ABTB3: variants seen among roughly 807,000 people sequenced by gnomAD.
ABTB3 encodes ankyrin repeat- and BTB/POZ domain-containing protein 3.
chr12:107,459,517 C>T, the ABTB3 span, among the ~76,000 whole-genome samples: 2 of 152,158 alleles, frequency 1.3e-5, no homozygotes, highest in Non-Finnish European at 2.9e-5. Flanking sequence ...GGGAGTGCTG[C>T]AGACACAGTT....
At chr12:107,388,851 A>C in the ABTB3 span, among the ~76,000 whole-genome samples, 1 of 152,264 alleles carries the variant, frequency 6.6e-6, no homozygotes, top group Non-Finnish European at 1.5e-5. Context: ...CAAGTTGTTA[A>C]TGATGATGAT....
chr12:107,371,933 C>A, the ABTB3 span, among the ~76,000 whole-genome samples: 1 of 152,272 alleles, frequency 6.6e-6, no homozygotes, highest in Admixed American at 6.5e-5. Flanking sequence ...TGAGAATCGG[C>A]ATGTGAGATG....
chr12:107,561,522 TA>T, the ABTB3 span, among the ~76,000 whole-genome samples: 1 of 152,182 alleles, frequency 6.6e-6, no homozygotes, highest in South Asian at 2.1e-4. Context: ...AATTATAATT[TA>T]AAAAGTCAAA....
the ABTB3 span, among the ~76,000 whole-genome samples, chr12:107,575,818 A>C: frequency 6.6e-6 from 1 of 152,182 alleles, no homozygotes; most frequent in African/African-American, 2.4e-5. Flanking sequence ...TAGCCAGTTA[A>C]GGCAGCTTTC....
the ABTB3 span, chr12:107,610,371 G>A: frequency 6.2e-7 from 1 of 1,612,350 alleles, no homozygotes; most frequent in Non-Finnish European, 8.5e-7. Flanking sequence ...GGGTCCGAGG[G>A]TCTGAACAGG....
At chr12:107,490,357 A>T in the ABTB3 span, among the ~76,000 whole-genome samples, 1 of 152,160 alleles carries the variant, frequency 6.6e-6, no homozygotes, top group Admixed American at 6.5e-5. Flanking sequence ...TTGTGACTGG[A>T]AATATCCCCT....
the ABTB3 span, among the ~76,000 whole-genome samples, chr12:107,645,647 G>A: frequency 6.6e-6 from 1 of 152,214 alleles, no homozygotes; most frequent in Non-Finnish European, 1.5e-5. Flanking sequence ...GCTCATGAAG[G>A]GGGAGCTTAC....
the ABTB3 span, among the ~76,000 whole-genome samples, chr12:107,419,928 C>A: frequency 2.0e-5 from 3 of 152,138 alleles, no homozygotes; most frequent in African/African-American, 4.8e-5. Flanking sequence ...TGGGAAAGCC[C>A]AGGCGGAGTG....
the ABTB3 span, among the ~76,000 whole-genome samples, chr12:107,329,805 T>C: frequency 6.6e-6 from 1 of 152,246 alleles, no homozygotes; most frequent in South Asian, 2.1e-4. Flanking sequence ...ACTGTTTCTA[T>C]AGGCACTGTG....
the ABTB3 span, among the ~76,000 whole-genome samples, chr12:107,387,451 A>G: frequency 3.3e-5 from 5 of 152,216 alleles, no homozygotes; most frequent in African/African-American, 1.2e-4. Flanking sequence ...GTGCTGGGCT[A>G]GGTGCTGAGG....
At chr12:107,394,540 A>G in the ABTB3 span, among the ~76,000 whole-genome samples, 3 of 152,198 alleles carry the variant, frequency 2.0e-5, no homozygotes, top group African/African-American at 7.2e-5. Flanking sequence ...GTGCTGTTCC[A>G]ATGTGAGCTG....
the ABTB3 span, among the ~76,000 whole-genome samples, chr12:107,527,830 T>A: frequency 6.6e-6 from 1 of 152,288 alleles, no homozygotes; most frequent in Middle Eastern, 3.4e-3. Context: ...TCTTTCGCTT[T>A]TTCTCAAGGA....
chr12:107,516,695 A>T, the ABTB3 span, among the ~76,000 whole-genome samples: 2 of 152,206 alleles, frequency 1.3e-5, no homozygotes, highest in African/African-American at 4.8e-5. Flanking sequence ...CGAGAGCAGG[A>T]GTGTGAAAGG....
At chr12:107,657,706 T>G in the ABTB3 span, 1 of 1,614,164 alleles carries the variant, frequency 6.2e-7, no homozygotes, top group East Asian at 2.2e-5. Flanking sequence ...CTTCCAAAGG[T>G]TCCGTGGTAT....
At chr12:107,514,313 G>T in the ABTB3 span, among the ~76,000 whole-genome samples, 1 of 152,086 alleles carries the variant, frequency 6.6e-6, no homozygotes, top group Non-Finnish European at 1.5e-5. Context: ...CCTTTTTTAG[G>T]ACCCATAAAC....
chr12:107,465,892 C>G, the ABTB3 span, among the ~76,000 whole-genome samples: 1 of 152,210 alleles, frequency 6.6e-6, no homozygotes, highest in Non-Finnish European at 1.5e-5. Context: ...TGCGTTCGTA[C>G]TGCCTCTCGG....
chr12:107,626,981 C>T, the ABTB3 span, among the ~76,000 whole-genome samples: 2 of 151,978 alleles, frequency 1.3e-5, no homozygotes, highest in Admixed American at 6.6e-5. Context: ...GACCCCATCT[C>T]TAAAAATAAA....
the ABTB3 span, among the ~76,000 whole-genome samples, chr12:107,439,673 G>A: frequency 6.6e-5 from 10 of 152,070 alleles, no homozygotes; most frequent in Non-Finnish European, 1.2e-4. Flanking sequence ...TAACCAGAAC[G>A]GGCTTTTTCT....
At chr12:107,456,954 G>T in the ABTB3 span, among the ~76,000 whole-genome samples, 5 of 151,968 alleles carry the variant, frequency 3.3e-5, no homozygotes, top group Admixed American at 3.3e-4. Context: ...CCACCTCTTG[G>T]GTTCAAGTGA....
Sources: gnomAD v4.1 joint callset for allele counts (sites outside exome capture counted in the v4.1 genomes callset) on GRCh38, gnomAD v4.1.1 for gene constraint, MANE v1.5 for transcripts, NCBI Gene and HGNC (gene_info 2026-07-23, HGNC 2026-07-21) for gene names.